Variants in PDE3A observed in about 807,000 individuals in gnomAD.
PDE3A encodes the protein phosphodiesterase 3A.
A neutral mutation model predicts 98.3 loss-of-function variants in PDE3A; 43 were observed. The ratio of observed to expected loss-of-function variants is 0.44; its 90% CI spans 0.34 to 0.56. The LOEUF is 0.56. Ranked by LOEUF, PDE3A falls within the 20% of genes least tolerant of loss-of-function variation. PDE3A has a pLI of 0.01. For missense variants in PDE3A, 1,427 were observed against 1,440.7 expected (o/e 0.99, Z 0.15); for synonymous variants, 663 against 567.9 (o/e 1.17, Z -2.38).
Position 20,650,520 on chromosome 12 carries a change from G to C in PDE3A, c.2845G>C (p.Ala949Pro). 1 of 1,610,902 alleles carries C rather than the reference G, an allele frequency of 6.2e-7. No homozygotes were observed. Among genetic ancestry groups the C allele is most frequent in the Non-Finnish European group, 8.5e-7 (1 of 1,177,440 alleles). Reference protein sequence around the residue: ...LLVCQMCIKLADINGPAKCKE... With the variant: ...LLVCQMCIKLPDINGPAKCKE... ...GGTTTGTCAAATGTGTATAAAGTTG[G>C]CTGATATCAATGGTCCAGCTAAATG... Residue 949 changes from alanine (A) to proline (P), a missense_variant, in exon 14 of 16, where the codon GCT becomes CCT. Coordinates refer to ENST00000359062, the MANE Select transcript of PDE3A (RefSeq NM_000921.5).
intron 1 of PDE3A, among the ~76,000 whole-genome samples, chr12:20,423,495 C>T (rs570503563): frequency 6.6e-5 from 10 of 152,274 alleles, no homozygotes; most frequent in African/African-American, 2.4e-4. Context: ...ATGCCTTGAA[C>T]TTGTTTCTCT....
intron 2 of PDE3A, among the ~76,000 whole-genome samples, chr12:20,558,922 A>G (rs983186292): frequency 3.9e-5 from 6 of 152,088 alleles, no homozygotes; most frequent in African/African-American, 9.7e-5. Context: ...AGCACTTCCT[A>G]TGTTTACAGC....
intron 15 of PDE3A, among the ~76,000 whole-genome samples, chr12:20,664,898 C>G (rs958656599): frequency 1.3e-5 from 2 of 152,170 alleles, no homozygotes; most frequent in Non-Finnish European, 2.9e-5. Context: ...GTACATCTTA[C>G]CAACATACTC....
intron 1 of PDE3A, among the ~76,000 whole-genome samples, chr12:20,421,002 C>T (rs1299865502): frequency 2.0e-5 from 3 of 151,980 alleles, no homozygotes; most frequent in Non-Finnish European, 4.4e-5. Flanking sequence ...TAGTCTTTTT[C>T]TTTTTTTCTG....
At chr12:20,473,746 C>A (rs11613044) in intron 1 of PDE3A, among the ~76,000 whole-genome samples, 2,522 of 151,854 alleles carry the variant, frequency 0.017, 36 homozygotes, top group Non-Finnish European at 0.024. Flanking sequence ...TACTGTGTTT[C>A]TTCTTTGACT....
At chr12:20,543,907 T>C (rs770264019) in intron 1 of PDE3A, among the ~76,000 whole-genome samples, 9 of 151,926 alleles carry the variant, frequency 5.9e-5, no homozygotes, top group Non-Finnish European at 1.3e-4. Context: ...TGGATGCTAT[T>C]ATTAGCTAAG....
At position 20,546,506 on chromosome 12, in the gene PDE3A, G is replaced by A. The variant is rs113423975; in HGVS notation, c.961-10154G>A. Among the ~76,000 whole-genome samples the A allele has an allele frequency of 9.2e-5, 14 of 152,116 alleles. 1 individual carries two copies. The highest frequency in any genetic ancestry group is 3.4e-4 in the African/African-American group (14 of 41,520). ...CAGTCAGGGGAGACATACAGTTCAG[G>A]CTCATCTTCTCACATGGAATGCTGC... On this transcript the variant is annotated intron_variant, in intron 1 of 15. Transcript: ENST00000359062.
intron 2 of PDE3A, among the ~76,000 whole-genome samples, chr12:20,611,331 T>C (rs1313958144): frequency 1.3e-5 from 2 of 151,952 alleles, no homozygotes; most frequent in African/African-American, 4.8e-5. Flanking sequence ...TATTTATGCC[T>C]GTGATCAGAG....
At chr12:20,606,964 T>C (rs1307860718) in intron 2 of PDE3A, among the ~76,000 whole-genome samples, 12 of 152,086 alleles carry the variant, frequency 7.9e-5, no homozygotes, top group Non-Finnish European at 1.5e-5. Flanking sequence ...TTCTTATCTA[T>C]AGCATCAGAC....
At chr12:20,374,785 T>G (rs567588487) in intron 1 of PDE3A, among the ~76,000 whole-genome samples, 2 of 152,198 alleles carry the variant, frequency 1.3e-5, no homozygotes, top group South Asian at 4.1e-4. Flanking sequence ...GTCAGCCCAG[T>G]AGAGTCAATG....
chr12:20,640,857 A>T (rs1045577084), intron 10 of PDE3A, among the ~76,000 whole-genome samples: 35 of 151,380 alleles, frequency 2.3e-4, no homozygotes, highest in Admixed American at 2.2e-3. Context: ...AAATAATCAA[A>T]CATAATATAT....
At chr12:20,588,797 C>T (rs922615964) in intron 2 of PDE3A, among the ~76,000 whole-genome samples, 2 of 152,178 alleles carry the variant, frequency 1.3e-5, no homozygotes, top group Admixed American at 6.5e-5. Context: ...CCTGGGGACA[C>T]ATTCTCAGGC....
intron 13 of PDE3A, among the ~76,000 whole-genome samples, chr12:20,649,107 T>G (rs28696742): frequency 6.6e-6 from 1 of 151,326 alleles, no homozygotes; most frequent in East Asian, 2.0e-4. Context: ...TGTATTTTTT[T>G]TTTTTAGTAG....
chr12:20,416,188 A>G (rs778282300), intron 1 of PDE3A, among the ~76,000 whole-genome samples: 3 of 152,236 alleles, frequency 2.0e-5, no homozygotes, highest in Non-Finnish European at 2.9e-5. Context: ...ATGGATGTAT[A>G]TGAAATTGGA....
chr12:20,646,741 C>A lies in PDE3A; in HGVS notation c.2366-10C>A. On this transcript the variant is annotated splice_polypyrimidine_tract_variant and intron_variant, in intron 11 of 15. Transcript: ENST00000359062. Reference sequence around the variant, plus strand: ...TAAAAACTTCTTTGACTCTCATTTTCTCTTCTCAGATTCTGACAGTGGATT... The same window carrying A: ...TAAAAACTTCTTTGACTCTCATTTTATCTTCTCAGATTCTGACAGTGGATT... 3 of 1,583,078 alleles carry A rather than the reference C, an allele frequency of 1.9e-6. No individual in the cohort carries two copies. The highest frequency in any genetic ancestry group is 2.6e-6 in the Non-Finnish European group (3 of 1,152,326).
At chr12:20,656,743 G>A (rs1945053115) in intron 15 of PDE3A, among the ~76,000 whole-genome samples, 1 of 152,124 alleles carries the variant, frequency 6.6e-6, no homozygotes, top group Non-Finnish European at 1.5e-5. Flanking sequence ...CTTAGCCTCT[G>A]GAAAAGCTTT....
chr12:20,653,838 TC>T (rs1212000614), intron 14 of PDE3A, 108 bp from the exon 15 acceptor site: 12 of 1,117,904 alleles, frequency 1.1e-5, no homozygotes, highest in Non-Finnish European at 1.6e-5. Context: ...TGAGGTAGGA[TC>T]CTTTAGCTGT....
intron 2 of PDE3A, among the ~76,000 whole-genome samples, chr12:20,581,701 C>T (rs1943071438): frequency 6.6e-6 from 1 of 150,636 alleles, no homozygotes; most frequent in Admixed American, 6.6e-5. Context: ...CAAGCTCCGC[C>T]TCCCGGGTTC....
At chr12:20,668,634 G>A (rs1470011765) in intron 15 of PDE3A, among the ~76,000 whole-genome samples, 1 of 151,982 alleles carries the variant, frequency 6.6e-6, no homozygotes, top group Non-Finnish European at 1.5e-5. Flanking sequence ...CTGCAGCTGA[G>A]GGTCCTGTCT....
Sources: allele counts gnomAD v4.1 joint callset (sites outside exome capture counted in the v4.1 genomes callset), GRCh38; gene constraint gnomAD v4.1.1; transcripts MANE v1.5; gene names NCBI Gene and HGNC (gene_info 2026-07-23, HGNC 2026-07-21).